Variants in RRP15 observed in about 807,000 individuals in gnomAD.
RRP15 encodes ribosomal RNA processing 15 homolog, also known as RRP15-like protein.
A neutral mutation model predicts 27.1 loss-of-function variants in RRP15; 18 were observed. The observed-to-expected ratio is 0.66, with a 90% CI of 0.46 to 0.98. The LOEUF (loss-of-function observed/expected upper bound fraction) is 0.98, where lower values mean the gene tolerates loss of function less well. Among genes scored for constraint, RRP15 ranks in the 50% least tolerant of loss-of-function variants. The pLI is 0.00. For synonymous variants in RRP15, 107 were observed against 109.4 expected (o/e 0.98, Z 0.14); for missense variants, 359 against 337.8 (o/e 1.06, Z -0.49).
intron 4 of RRP15, among the ~76,000 whole-genome samples, chr1:218,323,214 C>G (rs1049713408): frequency 1.2e-4 from 18 of 152,224 alleles, no homozygotes; most frequent in African/African-American, 4.3e-4. Flanking sequence ...GAGCAAGGGA[C>G]ATATTTCAGC....
chr1:218,330,841 CT>C (rs1307936124), intron 4 of RRP15, 106 bp from the exon 5 acceptor site: 9 of 839,996 alleles, frequency 1.1e-5, no homozygotes, highest in Admixed American at 2.7e-5. Flanking sequence ...GGTTTTACCC[CT>C]ATTTTAAAAA....
At chr1:218,285,987 A>T (rs1367816701) in intron 1 of RRP15, among the ~76,000 whole-genome samples, 1 of 152,144 alleles carries the variant, frequency 6.6e-6, no homozygotes, top group East Asian at 1.9e-4. Context: ...GCTTGATAAT[A>T]AAAGGAAGGA....
At chr1:218,290,717 C>A (rs1210564325) in intron 1 of RRP15, among the ~76,000 whole-genome samples, 1 of 152,190 alleles carries the variant, frequency 6.6e-6, no homozygotes, top group Non-Finnish European at 1.5e-5. Flanking sequence ...GATCTGCCTG[C>A]CTTGGCCTCC....
intron 1 of RRP15, 103 bp from the exon 2 acceptor site, chr1:218,302,191 C>G (rs2251169): frequency 3.6e-6 from 3 of 829,258 alleles, no homozygotes; most frequent in Non-Finnish European, 5.9e-6. Flanking sequence ...ACCCCCCTTG[C>G]AAAAATGGGG....
intron 4 of RRP15, among the ~76,000 whole-genome samples, chr1:218,330,283 T>A (rs1438815418): frequency 6.6e-6 from 1 of 152,166 alleles, no homozygotes; most frequent in African/African-American, 2.4e-5. Flanking sequence ...ACCACATAAA[T>A]CCTGTGACTA....
rs565732532 is a variant in RRP15, at chr1:218,309,273, C to T, written c.705+1641C>T. Among the ~76,000 whole-genome samples, 4 of 152,274 alleles carry T rather than the reference C, an allele frequency of 2.6e-5. No homozygotes were observed. In the South Asian group the frequency reaches 8.3e-4, roughly 32 times the overall value. ...TCTTTCTTTTAAAAATGTGTGTTTT[C>T]ATGTTGATTGCATATTTATGGAAAA... On this transcript the variant is annotated intron_variant, in intron 4 of 4. Transcript: ENST00000366932.
In RRP15 at chr1:218,337,918, C is replaced by T. The variant is rs182083772; in HGVS notation, c.*6827C>T. The T allele has an allele frequency of 6.6e-6, 1 of 152,074 alleles. No homozygotes were observed. The highest frequency in any genetic ancestry group is 2.4e-5 in the African/African-American group (1 of 41,418). The allele number at this position is 152,074 out of a possible 1,614,324, so 9.4% of individuals were successfully genotyped here. On this transcript the variant is annotated 3_prime_UTR_variant, in exon 5 of 5. Transcript: ENST00000366932. ...AATGTTGAACATAAAAAATTTGACTCCCTTTCCATGTGTCCACTGTTTCCT... is the reference window on the plus strand; with the variant it reads ...AATGTTGAACATAAAAAATTTGACTTCCTTTCCATGTGTCCACTGTTTCCT...
At chr1:218,298,728 G>A (rs1037925834) in intron 1 of RRP15, among the ~76,000 whole-genome samples, 1 of 152,086 alleles carries the variant, frequency 6.6e-6, no homozygotes, top group Admixed American at 6.6e-5. Flanking sequence ...TTAAATTTAA[G>A]GTAATTAAAG....
chr1:218,305,158 G>C (rs200245630), intron 3 of RRP15, 33 bp downstream of exon 3: 4 of 1,496,842 alleles, frequency 2.7e-6, no homozygotes, highest in Non-Finnish European at 3.7e-6. Flanking sequence ...TAAAAAATAA[G>C]TATACTAAAG....
intron 1 of RRP15, among the ~76,000 whole-genome samples, chr1:218,300,829 G>A (rs1203883374): frequency 6.6e-6 from 1 of 152,170 alleles, no homozygotes. Context: ...ACCCAGAGCA[G>A]CCTCACTGAA....
At chr1:218,319,358 C>T (rs1473375344) in intron 4 of RRP15, among the ~76,000 whole-genome samples, 4 of 152,176 alleles carry the variant, frequency 2.6e-5, no homozygotes, top group Non-Finnish European at 5.9e-5. Flanking sequence ...AGCCACTGTG[C>T]CCGGCTTGTT....
rs78488409 is a variant in RRP15 at position 218,327,952 on chromosome 1, G to A, written c.706-2996G>A. Among the ~76,000 whole-genome samples the A allele has an allele frequency of 7.9e-3, 1,197 of 152,304 alleles. 19 individuals are homozygous for A. Among genetic ancestry groups the A allele is most frequent in the African/African-American group, 0.027 (1,139 of 41,558 alleles). The stretch of plus-strand genomic sequence containing the variant: ...GCAAATAAATAATTATCTTTAACAT[G>A]CACCGGAATCACTGACTGGCTTATA... On this transcript the variant is annotated intron_variant, in intron 4 of 4. Coordinates refer to ENST00000366932, the MANE Select transcript of RRP15 (RefSeq NM_016052.4).
intron 4 of RRP15, among the ~76,000 whole-genome samples, chr1:218,330,638 TA>T (rs1324294807): frequency 3.3e-5 from 5 of 152,148 alleles, no homozygotes; most frequent in African/African-American, 9.7e-5. Context: ...CAGAAGTGCT[TA>T]AAAAATTAAT....
At chr1:218,311,242 T>C (rs994388111) in intron 4 of RRP15, among the ~76,000 whole-genome samples, 2 of 152,200 alleles carry the variant, frequency 1.3e-5, no homozygotes, top group African/African-American at 4.8e-5. Context: ...TTTACACTAT[T>C]TCTTTATCAG....
intron 1 of RRP15, among the ~76,000 whole-genome samples, chr1:218,287,872 G>A (rs1655574616): frequency 6.6e-6 from 1 of 152,224 alleles, no homozygotes; most frequent in South Asian, 2.1e-4. Flanking sequence ...AATGTATAAG[G>A]TGGCATTCTA....
intron 4 of RRP15, among the ~76,000 whole-genome samples, chr1:218,323,869 G>A (rs771453438): frequency 3.9e-5 from 6 of 152,164 alleles, no homozygotes; most frequent in Non-Finnish European, 7.4e-5. Context: ...AGATCAGAGC[G>A]GGCACTGGGA....
rs1241641045 is a variant in RRP15, at chr1:218,332,917, G to A, written c.*1826G>A. On this transcript the variant is annotated 3_prime_UTR_variant, in exon 5 of 5. Coordinates refer to ENST00000366932, the MANE Select transcript of RRP15 (RefSeq NM_016052.4). ...CAACTTAAACACATTTTTCTCCCCAGAACTAAGATTACACTTAATTTAATT... is the reference window on the plus strand; with the variant it reads ...CAACTTAAACACATTTTTCTCCCCAAAACTAAGATTACACTTAATTTAATT... 6.9e-6 allele frequency: 1 copy of A among 145,420 alleles called. No individual in the cohort carries two copies. Among genetic ancestry groups the A allele is most frequent in the African/African-American group, 2.5e-5 (1 of 39,438 alleles). The allele number at this position is 145,420 out of a possible 1,614,324, so 9.0% of individuals were successfully genotyped here.
At chr1:218,293,939 C>T (rs1467244656) in intron 1 of RRP15, among the ~76,000 whole-genome samples, 2 of 152,030 alleles carry the variant, frequency 1.3e-5, no homozygotes, top group Non-Finnish European at 2.9e-5. Flanking sequence ...ACTCTTTTCT[C>T]ATATACTAGA....
At chr1:218,325,896 T>TG (rs1271394293) in intron 4 of RRP15, among the ~76,000 whole-genome samples, 3 of 152,228 alleles carry the variant, frequency 2.0e-5, no homozygotes, top group Non-Finnish European at 2.9e-5. Context: ...GTCTATTTTC[T>TG]GGGCAATTTC....
Sources: allele counts gnomAD v4.1 joint callset (sites outside exome capture counted in the v4.1 genomes callset), GRCh38; gene constraint gnomAD v4.1.1; transcripts MANE v1.5; gene names NCBI Gene and HGNC (gene_info 2026-07-23, HGNC 2026-07-21).